HMG20A: variants seen among roughly 807,000 people sequenced by gnomAD.
The protein encoded by HMG20A is high mobility group protein 20A.
In HMG20A, 17 loss-of-function variants were observed where a neutral mutation model predicts 43.9. That is an observed-to-expected ratio of 0.39 (90% confidence interval 0.27 to 0.58). The LOEUF (loss-of-function observed/expected upper bound fraction) is 0.58. Among genes scored for constraint, HMG20A ranks in the 20% least tolerant of loss-of-function variants. The pLI is 0.59. For synonymous variants in HMG20A, 132 were observed against 147.5 expected (o/e 0.89, Z 0.76); for missense variants, 341 against 438.2 (o/e 0.78, Z 1.98).
the HMG20A span, among the ~76,000 whole-genome samples, chr15:77,514,811 G>A: frequency 3.3e-5 from 5 of 152,216 alleles, no homozygotes; most frequent in Non-Finnish European, 7.3e-5. Flanking sequence ...GGCCCGAGTC[G>A]GGGCAGGCAG....
chr15:77,467,061 G>T (rs2072762859), intron 3 of HMG20A, 34 bp from the exon 4 acceptor site: 1 of 1,554,714 alleles, frequency 6.4e-7, no homozygotes, highest in South Asian at 1.1e-5. Flanking sequence ...GTTGTTGTTT[G>T]GTTTTTGGTT....
At chr15:77,462,834 A>G (rs749899853) in intron 2 of HMG20A, among the ~76,000 whole-genome samples, 4 of 140,062 alleles carry the variant, frequency 2.9e-5, no homozygotes, top group Non-Finnish European at 6.0e-5. Context: ...GTGCAGTGGC[A>G]TGATCTTAGT....
At chr15:77,502,831 G>A in the HMG20A span, among the ~76,000 whole-genome samples, 37 of 152,170 alleles carry the variant, frequency 2.4e-4, no homozygotes, top group South Asian at 8.3e-4. Flanking sequence ...TTAGCCAGGC[G>A]TGATGGCATG....
At chr15:77,493,482 A>G in the HMG20A span, among the ~76,000 whole-genome samples, 1 of 152,180 alleles carries the variant, frequency 6.6e-6, no homozygotes, top group Non-Finnish European at 1.5e-5. Context: ...AGGATCTGGG[A>G]TAGTCTCCTC....
the HMG20A span, among the ~76,000 whole-genome samples, chr15:77,495,948 T>C: frequency 2.0e-5 from 3 of 152,276 alleles, no homozygotes; most frequent in Admixed American, 2.0e-4. Flanking sequence ...GGATGCTGCC[T>C]CACGTCCTGA....
the HMG20A span, among the ~76,000 whole-genome samples, chr15:77,504,953 G>A: frequency 2.2e-4 from 34 of 152,278 alleles, no homozygotes; most frequent in South Asian, 6.2e-4. Flanking sequence ...GGATTTTAGC[G>A]TCCTTGGGGG....
intron 4 of HMG20A, among the ~76,000 whole-genome samples, chr15:77,470,337 T>G (rs1295277738): frequency 6.6e-6 from 1 of 152,228 alleles, no homozygotes; most frequent in African/African-American, 2.4e-5. Flanking sequence ...CATGTAGATA[T>G]AGGTTCTCTC....
chr15:77,459,777 A>G (rs1166256228), intron 2 of HMG20A, among the ~76,000 whole-genome samples: 1 of 152,136 alleles, frequency 6.6e-6, no homozygotes, highest in African/African-American at 2.4e-5. Context: ...CTTCTCAAAC[A>G]TATGAATTGC....
At chr15:77,437,617 G>A (rs1051316830) in intron 1 of HMG20A, among the ~76,000 whole-genome samples, 7 of 152,138 alleles carry the variant, frequency 4.6e-5, no homozygotes, top group African/African-American at 1.7e-4. Flanking sequence ...TGTTGCCCAG[G>A]CTGGAGTGCG....
chr15:77,472,566 G>A (rs376979110), intron 6 of HMG20A, among the ~76,000 whole-genome samples: 9 of 152,130 alleles, frequency 5.9e-5, no homozygotes, highest in African/African-American at 2.2e-4. Context: ...GAGCCACCAC[G>A]CCCGGCCCAG....
chr15:77,481,895 C>A (rs2072908437), intron 9 of HMG20A, among the ~76,000 whole-genome samples: 1 of 152,172 alleles, frequency 6.6e-6, no homozygotes, highest in Non-Finnish European at 1.5e-5. Flanking sequence ...ACTCATGATG[C>A]AATTAATTAC....
intron 6 of HMG20A, among the ~76,000 whole-genome samples, chr15:77,475,078 G>T (rs752468770): frequency 2.0e-4 from 31 of 152,142 alleles, no homozygotes; most frequent in Admixed American, 5.2e-4. Flanking sequence ...TATGAGAAAT[G>T]ACAGAATGAC....
chr15:77,436,553 G>C (rs2073551032), intron 1 of HMG20A, among the ~76,000 whole-genome samples: 1 of 151,904 alleles, frequency 6.6e-6, no homozygotes, highest in Non-Finnish European at 1.5e-5. Context: ...CTGCCTCCCA[G>C]GTTCAAGCAA....
chr15:77,446,486 A>C (rs1261895668), intron 1 of HMG20A, among the ~76,000 whole-genome samples: 1 of 152,130 alleles, frequency 6.6e-6, no homozygotes, highest in Non-Finnish European at 1.5e-5. Context: ...TATACCCTGC[A>C]TGTGAATCAC....
intron 3 of HMG20A, among the ~76,000 whole-genome samples, chr15:77,465,987 A>G (rs565099262): frequency 1.3e-5 from 2 of 152,346 alleles, no homozygotes; most frequent in South Asian, 4.1e-4. Context: ...GTGAAACATC[A>G]GTGGTACCTC....
intron 1 of HMG20A, among the ~76,000 whole-genome samples, chr15:77,423,424 T>A (rs1421520316): frequency 6.6e-6 from 1 of 152,194 alleles, no homozygotes; most frequent in East Asian, 1.9e-4. Flanking sequence ...GCATGTTTAA[T>A]AGAAATATAG....
chr15:77,458,605 G>A, intron 2 of HMG20A, 109 bp downstream of exon 2: 2 of 640,580 alleles, frequency 3.1e-6, no homozygotes, highest in Admixed American at 3.0e-5. Flanking sequence ...AATAGACGGT[G>A]CACTTGTTTC....
chr15:77,451,636 A>G lies in HMG20A; in HGVS notation c.-4-6768A>G, dbSNP rs552592399. Among the ~76,000 whole-genome samples, 142 of 152,334 alleles carry G rather than the reference A, an allele frequency of 9.3e-4. 1 individual carries two copies. The highest frequency in any genetic ancestry group is 1.0e-3 in the Non-Finnish European group (70 of 68,024). On this transcript the variant is annotated intron_variant, in intron 1 of 9. Transcript: ENST00000336216. Reference sequence around the variant, plus strand: ...TGTAATCATGGGTTCTGCAGGGCCAATTGTGGGCATCTACAAATTTTGAGC... The same window carrying G: ...TGTAATCATGGGTTCTGCAGGGCCAGTTGTGGGCATCTACAAATTTTGAGC...
chr15:77,506,761 G>T, the HMG20A span, among the ~76,000 whole-genome samples: 2 of 152,230 alleles, frequency 1.3e-5, no homozygotes, highest in Non-Finnish European at 2.9e-5. Flanking sequence ...CCCAGACCCT[G>T]GAGGGAGCCA....
Sources: gnomAD v4.1 joint callset for allele counts (sites outside exome capture counted in the v4.1 genomes callset) on GRCh38, gnomAD v4.1.1 for gene constraint, MANE v1.5 for transcripts, NCBI Gene and HGNC (gene_info 2026-07-23, HGNC 2026-07-21) for gene names.